LRRFIP1: variants seen among roughly 807,000 people sequenced by gnomAD.
The protein encoded by LRRFIP1 is LRR binding FLII interacting protein 1.
A neutral mutation model predicts 104.4 loss-of-function variants in LRRFIP1; 62 were observed. The ratio of observed to expected loss-of-function variants is 0.59; its 90% CI spans 0.48 to 0.73. The LOEUF (loss-of-function observed/expected upper bound fraction) is 0.73. Ranked by LOEUF, LRRFIP1 falls within the 30% of genes least tolerant of loss-of-function variation. The probability of loss-of-function intolerance (pLI) is 0.00; values close to 1 mark genes in which losing one functional copy is unlikely to be tolerated. For synonymous variants in LRRFIP1, 300 were observed against 299.0 expected (o/e 1.00, Z -0.03); for missense variants, 796 against 824.5 (o/e 0.97, Z 0.42).
chr2:237,657,166 A>G (rs547880738), intron 1 of LRRFIP1, among the ~76,000 whole-genome samples: 2 of 152,344 alleles, frequency 1.3e-5, no homozygotes, highest in East Asian at 3.9e-4. Context: ...GTCAAGTGTG[A>G]GGATGCACGT....
chr2:237,708,349 A>G (rs1156359685), intron 1 of LRRFIP1, among the ~76,000 whole-genome samples, 195 bp from the exon 2 acceptor site: 1 of 152,222 alleles, frequency 6.6e-6, no homozygotes, highest in Non-Finnish European at 1.5e-5. Flanking sequence ...TGTGGTAAGG[A>G]CTTGATAAAT....
At chr2:237,650,605 C>G (rs1015615035) in intron 1 of LRRFIP1, among the ~76,000 whole-genome samples, 1 of 152,204 alleles carries the variant, frequency 6.6e-6, no homozygotes, top group Non-Finnish European at 1.5e-5. Flanking sequence ...GCTGTAGGAG[C>G]AGCAGACCAG....
chr2:237,666,915 GCTTT>G (rs144037636), intron 1 of LRRFIP1, among the ~76,000 whole-genome samples: 17,027 of 144,718 alleles, frequency 0.12, 1,169 homozygotes, highest in East Asian at 0.18. Context: ...CTGCCTTCCT[GCTTT>G]CTTTCTTTCT....
At chr2:237,757,252 A>G (rs1379928472) in intron 16 of LRRFIP1, among the ~76,000 whole-genome samples, 1 of 152,206 alleles carries the variant, frequency 6.6e-6, no homozygotes, top group Non-Finnish European at 1.5e-5. Flanking sequence ...ATTTCACCCA[A>G]AGCAGGTTTT....
chr2:237,641,307 T>C (rs1310993512), intron 1 of LRRFIP1, among the ~76,000 whole-genome samples: 1 of 150,296 alleles, frequency 6.7e-6, no homozygotes, highest in Non-Finnish European at 1.5e-5. Flanking sequence ...AGGTTAGGAG[T>C]TCAAGACTAG....
At chr2:237,744,363 C>T (rs2057521164) in intron 11 of LRRFIP1, among the ~76,000 whole-genome samples, 1 of 152,140 alleles carries the variant, frequency 6.6e-6, no homozygotes, top group South Asian at 2.1e-4. Context: ...GTGTTGAGGA[C>T]AGGTTCCTTT....
At chr2:237,667,715 C>T (rs1011462577) in intron 1 of LRRFIP1, among the ~76,000 whole-genome samples, 1 of 152,146 alleles carries the variant, frequency 6.6e-6, no homozygotes, top group Admixed American at 6.5e-5. Flanking sequence ...ATTCATTGAC[C>T]GTTCCCTGTG....
chr2:237,705,883 A>T (rs1203124185), intron 1 of LRRFIP1, among the ~76,000 whole-genome samples: 1 of 152,194 alleles, frequency 6.6e-6, no homozygotes, highest in Non-Finnish European at 1.5e-5. Context: ...CAGCTCATCG[A>T]GGCCCCCTCC....
At chr2:237,732,236 A>G (rs1354395910) in intron 8 of LRRFIP1, among the ~76,000 whole-genome samples, 1 of 152,048 alleles carries the variant, frequency 6.6e-6, no homozygotes, top group African/African-American at 2.4e-5. Flanking sequence ...TGTATAAGGT[A>G]ATCGTCTCTG....
intron 1 of LRRFIP1, among the ~76,000 whole-genome samples, chr2:237,658,202 T>TA (rs1224601868): frequency 6.6e-6 from 1 of 152,178 alleles, no homozygotes; most frequent in Non-Finnish European, 1.5e-5. Flanking sequence ...TCAATAGCTA[T>TA]AAAATATATA....
intron 11 of LRRFIP1, among the ~76,000 whole-genome samples, chr2:237,745,316 A>G (rs1023731395): frequency 2.2e-4 from 34 of 152,314 alleles, no homozygotes; most frequent in Admixed American, 2.0e-4. Context: ...TTACTCTACT[A>G]TGTAAAATAG....
chr2:237,686,450 T>C (rs59912314), intron 1 of LRRFIP1, among the ~76,000 whole-genome samples: 6,512 of 152,258 alleles, frequency 0.043, 373 homozygotes, highest in African/African-American at 0.13. Context: ...TTAATGACAA[T>C]TCATCAAAGT....
At chr2:237,685,560 A>T (rs575904753) in intron 1 of LRRFIP1, among the ~76,000 whole-genome samples, 49 of 152,086 alleles carry the variant, frequency 3.2e-4, no homozygotes, top group African/African-American at 1.2e-3. Flanking sequence ...GAAGCTCTGC[A>T]TCTAGTTATC....
chr2:237,631,073 G>A (rs935953901), intron 1 of LRRFIP1, among the ~76,000 whole-genome samples: 3 of 152,250 alleles, frequency 2.0e-5, no homozygotes, highest in Non-Finnish European at 4.4e-5. Context: ...CTCATCCTGG[G>A]ACTGGGGAGA....
chr2:237,775,351 G>A (rs2060989887), intron 23 of LRRFIP1, among the ~76,000 whole-genome samples: 1 of 152,226 alleles, frequency 6.6e-6, no homozygotes, highest in African/African-American at 2.4e-5. Context: ...CTTTGTCAAG[G>A]AACAGTCAGA....
At chr2:237,721,197 G>A (rs1320277638) in intron 6 of LRRFIP1, 2 of 181,032 alleles carry the variant, frequency 1.1e-5, no homozygotes, top group South Asian at 1.4e-4. Flanking sequence ...CCATGCTCCT[G>A]GTAAAATCGG....
intron 1 of LRRFIP1, among the ~76,000 whole-genome samples, chr2:237,694,659 G>A (rs940388179): frequency 1.3e-5 from 2 of 152,206 alleles, no homozygotes; most frequent in Non-Finnish European, 2.9e-5. Flanking sequence ...GAGGAGAGCC[G>A]GGTTGGTCAG....
intron 8 of LRRFIP1, among the ~76,000 whole-genome samples, chr2:237,730,833 G>A (rs561794716): frequency 1.3e-5 from 2 of 152,264 alleles, no homozygotes; most frequent in South Asian, 2.1e-4. Context: ...CAGGAGAATC[G>A]CTTGAACCCA....
At chr2:237,752,678 C>T (rs559101765) in intron 14 of LRRFIP1, among the ~76,000 whole-genome samples, 4 of 152,354 alleles carry the variant, frequency 2.6e-5, no homozygotes, top group South Asian at 2.1e-4. Flanking sequence ...GTGAGGGCAT[C>T]GCCATGCGTA....
Sources: allele counts gnomAD v4.1 joint callset (sites outside exome capture counted in the v4.1 genomes callset), GRCh38; gene constraint gnomAD v4.1.1; transcripts MANE v1.5; gene names NCBI Gene and HGNC (gene_info 2026-07-23, HGNC 2026-07-21).